The following CPNE1 variants were observed in gnomAD, a reference collection of about 807,000 sequenced individuals.
CPNE1 encodes the protein copine 1.
In CPNE1, 58 loss-of-function variants were observed where a neutral mutation model predicts 63.2. The ratio of observed to expected loss-of-function variants is 0.92; its 90% CI spans 0.74 to 1.14. The LOEUF is 1.14. Among genes scored for constraint, CPNE1 ranks in the 50% most tolerant of loss-of-function variants. The pLI is 0.00. For missense variants in CPNE1, 672 were observed against 661.7 expected, an observed-to-expected ratio of 1.02 and a Z score of -0.17; for synonymous variants, 237 against 249.0, an observed-to-expected ratio of 0.95 and a Z score of 0.45.
intron 14 of CPNE1, 104 bp from the exon 15 acceptor site, chr20:35,626,907 G>A: frequency 4.1e-6 from 4 of 980,754 alleles, no homozygotes; most frequent in Non-Finnish European, 6.4e-6. Flanking sequence ...CTTGTTACAG[G>A]CCGGGTGCGA....
In CPNE1 at chr20:35,632,327, C is replaced by T; in HGVS notation, c.368G>A (p.Gly123Glu). 3.1e-6 allele frequency: 5 copies of T among 1,614,120 alleles called. No individual in the cohort carries two copies. The highest frequency in any genetic ancestry group is 4.2e-6 in the Non-Finnish European group (5 of 1,180,004). Reference sequence around the variant, plus strand: ...GTTCCTTACCGTGATGGTCCCCCGCCCAGCAGGTTTTCCAGGCTTCAGCAT... The same window carrying T: ...GTTCCTTACCGTGATGGTCCCCCGCTCAGCAGGTTTTCCAGGCTTCAGCAT... Reference protein sequence around the residue: ...PLMLKPGKPAGRGTITVSAQE... With the variant: ...PLMLKPGKPAERGTITVSAQE... Residue 123 changes from glycine to glutamate, a missense_variant, in exon 4 of 16, where the codon GGG (glycine) becomes GAG (glutamate). Physicochemically the swap from Gly to Glu is moderately conservative, Grantham distance 98. Transcript: ENST00000397443.
intron 7 of CPNE1, 29 bp from the exon 8 acceptor site, chr20:35,631,607 C>T: frequency 6.2e-7 from 1 of 1,610,576 alleles, no homozygotes; most frequent in Non-Finnish European, 8.5e-7. Flanking sequence ...TGGACATAAA[C>T]AAGCCAGGTG....
intron 13 of CPNE1, among the ~76,000 whole-genome samples, 165 bp downstream of exon 13, chr20:35,630,274 G>A (rs1410601437): frequency 6.6e-6 from 1 of 152,186 alleles, no homozygotes; most frequent in Non-Finnish European, 1.5e-5. Flanking sequence ...CAGCCTGGGT[G>A]ACAGAGCAAG....
rs142770190 is a variant in CPNE1 at position 35,626,296 on chromosome 20, G to C, written c.1559C>G (p.Pro520Arg). ...GGCTGAGGGTGGAAGTGGCTTGAGC[G>C]GGGCCCAACCCTGGGCCCTGAAGTA... The part of the protein sequence containing the change: ...VSYFRAQGWA[P>R]LKPLPPSAKD... The change falls in exon 16 of 16, where the codon CCG becomes CGG. Residue 520 changes from proline (P) to arginine (R), a missense_variant. Coordinates refer to ENST00000397443, the MANE Select transcript of CPNE1 (RefSeq NM_152925.3). 3.3e-5 allele frequency: 53 copies of C among 1,613,994 alleles called. No homozygotes were observed. The African/African-American group carries it at 5.3e-4, about 16-fold the overall frequency.
rs1320419948 is a variant in CPNE1 at position 35,631,947 on chromosome 20, C to T, written c.535G>A (p.Glu179Lys). The change falls in exon 6 of 16, where the codon GAG (glutamate) becomes AAG (lysine). Residue 179 changes from glutamate (E) to lysine (K), a missense_variant and splice_region_variant. Physicochemically the swap from Glu to Lys is moderately conservative, Grantham distance 56. Transcript: ENST00000397443. ...DGKWHLVYRS[E>K]VIKNNLNPTW... Reference sequence around the variant, plus strand: ...ACCCAATCCCAGGGGTCTCATACCTCAGATCTGTACACCAGGTGCCATTTC... The same window carrying T: ...ACCCAATCCCAGGGGTCTCATACCTTAGATCTGTACACCAGGTGCCATTTC... The T allele has an allele frequency of 1.9e-6, 3 of 1,613,598 alleles. No individual in the cohort carries two copies. Among genetic ancestry groups the T allele is most frequent in the African/African-American group, 1.3e-5 (1 of 74,872 alleles).
In CPNE1 at chr20:35,663,438, C is replaced by T. The variant is rs1568947937; in HGVS notation, c.-1+1322G>A. Among the ~76,000 whole-genome samples, 4 of 152,312 alleles carry T rather than the reference C, an allele frequency of 2.6e-5. No individual in the cohort carries two copies. The East Asian group carries it at 5.8e-4, about 22-fold the overall frequency. On this transcript the variant is annotated intron_variant, in intron 1 of 15. Coordinates refer to ENST00000397443, the MANE Select transcript of CPNE1 (RefSeq NM_152925.3). ...CATTCAAGCAAGAAGCTCTAAAATA[C>T]TGCAGTCACAAGCCTAGCCTCTCCC...
chr20:35,657,286 C>G (rs1404359814), intron 1 of CPNE1, among the ~76,000 whole-genome samples: 1 of 152,178 alleles, frequency 6.6e-6, no homozygotes, highest in African/African-American at 2.4e-5. Flanking sequence ...TATTTAGCAG[C>G]CTATAAGGAG....
At chr20:35,644,786 A>T (rs888523631) in intron 1 of CPNE1, among the ~76,000 whole-genome samples, 13 of 152,188 alleles carry the variant, frequency 8.5e-5, no homozygotes, top group African/African-American at 3.1e-4. Flanking sequence ...TTGCACAAAC[A>T]TGGAATATAA....
intron 1 of CPNE1, chr20:35,649,255 T>C (rs1170340482): frequency 6.6e-6 from 1 of 152,230 alleles, no homozygotes; most frequent in Non-Finnish European, 1.5e-5. Flanking sequence ...TTCCCGAGTG[T>C]TCTTAAAATT....
At chr20:35,644,262 G>A (rs2032987235) in intron 1 of CPNE1, among the ~76,000 whole-genome samples, 1 of 152,112 alleles carries the variant, frequency 6.6e-6, no homozygotes, top group Non-Finnish European at 1.5e-5. Flanking sequence ...AAGGAGGAGT[G>A]GATCCAGGAG....
intron 11 of CPNE1, 31 bp downstream of exon 11, chr20:35,630,870 G>A (rs200361289): frequency 2.1e-5 from 33 of 1,602,884 alleles, no homozygotes; most frequent in Non-Finnish European, 2.7e-5. Flanking sequence ...TCTGCAGGGA[G>A]CGGGTATAGC....
Position 35,627,418 on chromosome 20 carries a change from AGAG to A in CPNE1, c.1103-8_1103-6del, listed in dbSNP as rs1568906842. 6.2e-7 allele frequency: 1 copy of A among 1,613,828 alleles called. No individual in the cohort carries two copies. Among genetic ancestry groups the A allele is most frequent in the East Asian group, 2.2e-5 (1 of 44,862 alleles). ...CATCCACAATGCCCTGGATGCCTGC[AGAG>A]GAGAGCAAGAAATACCGTAAAATCC... On this transcript the variant is annotated splice_polypyrimidine_tract_variant and splice_region_variant and intron_variant, in intron 13 of 15. Coordinates refer to ENST00000397443, the MANE Select transcript of CPNE1 (RefSeq NM_152925.3).
chr20:35,635,072 T>G (rs1014820038), intron 1 of CPNE1, among the ~76,000 whole-genome samples: 1 of 151,996 alleles, frequency 6.6e-6, no homozygotes, highest in African/African-American at 2.4e-5. Context: ...CCAAACACTT[T>G]GCAGTACCTG....
chr20:35,641,890 C>T (rs947957161), intron 1 of CPNE1, among the ~76,000 whole-genome samples: 4 of 152,194 alleles, frequency 2.6e-5, no homozygotes, highest in African/African-American at 9.6e-5. Context: ...AAGTCTGCAG[C>T]AGTGTGCTGG....
intron 1 of CPNE1, among the ~76,000 whole-genome samples, chr20:35,646,242 A>C (rs2033087307): frequency 6.9e-6 from 1 of 144,206 alleles, no homozygotes; most frequent in Non-Finnish European, 1.5e-5. Context: ...GCAGCAGAGC[A>C]AGACCATCTC....
rs756864788 is a variant in CPNE1 at position 35,626,652 on chromosome 20, G to C, written c.1388C>G (p.Ala463Gly). Reference protein sequence around the residue: ...ADFEAMEQLDADGGPLHTRSG... With the variant: ...ADFEAMEQLDGDGGPLHTRSG... ...ACGTGTATGCAGGGGTCCACCATCA[G>C]CGTCCAGCTGCTCCATGGCCTCAAA... The change falls in exon 15 of 16, where the codon GCT (alanine) becomes GGT (glycine). Residue 463 changes from alanine (A) to glycine (G), a missense_variant. By Grantham distance (60) the Ala-to-Gly change is moderately conservative. Transcript: ENST00000397443. 1 of 1,614,182 alleles carries C rather than the reference G, an allele frequency of 6.2e-7. No individual in the cohort carries two copies. The highest frequency in any genetic ancestry group is 1.7e-5 in the Admixed American group (1 of 60,024).
At chr20:35,629,916 C>T (rs372928316) in intron 13 of CPNE1, among the ~76,000 whole-genome samples, 4 of 152,140 alleles carry the variant, frequency 2.6e-5, no homozygotes, top group East Asian at 3.9e-4. Flanking sequence ...ACCTTGGCCT[C>T]GCAACTGAGT....
chr20:35,636,522 G>A (rs903722295), intron 1 of CPNE1, among the ~76,000 whole-genome samples: 6 of 152,122 alleles, frequency 3.9e-5, no homozygotes, highest in Non-Finnish European at 5.9e-5. Context: ...AAAATAGGCC[G>A]GGCGCAGTGG....
intron 1 of CPNE1, among the ~76,000 whole-genome samples, chr20:35,659,527 C>T (rs372305599): frequency 2.6e-5 from 4 of 152,314 alleles, no homozygotes; most frequent in East Asian, 3.9e-4. Context: ...TAGCATCCAA[C>T]ATCACAAAAC....
Sources: allele counts gnomAD v4.1 joint callset (sites outside exome capture counted in the v4.1 genomes callset), GRCh38; gene constraint gnomAD v4.1.1; transcripts MANE v1.5; gene names NCBI Gene and HGNC (gene_info 2026-07-23, HGNC 2026-07-21).